ADAMTSL4: variants seen among roughly 807,000 people sequenced by gnomAD.
ADAMTSL4 encodes the protein ADAMTS-like protein 4.
A neutral mutation model predicts 122.8 loss-of-function variants in ADAMTSL4; 97 were observed. That is an observed-to-expected ratio of 0.79 (90% confidence interval 0.67 to 0.93). The LOEUF is 0.93. ADAMTSL4 is among the 40% of genes least tolerant of loss of function. The pLI, the probability that ADAMTSL4 is intolerant of heterozygous loss-of-function variation, is 0.00. For synonymous variants in ADAMTSL4, 592 were observed against 568.0 expected (o/e 1.04, Z -0.60); for missense variants, 1,408 against 1,453.5 (o/e 0.97, Z 0.51).
intron 8 of ADAMTSL4, chr1:150,555,876 C>A (rs1213729739): frequency 2.8e-5 from 17 of 603,446 alleles, no homozygotes; most frequent in Non-Finnish European, 5.1e-5. Context: ...CACATGCACA[C>A]ATGCACACAC....
chr1:150,554,181 G>A lies in ADAMTSL4; in HGVS notation c.1131+59G>A. The A allele has an allele frequency of 6.3e-7, 1 of 1,578,568 alleles. No homozygotes were observed. The highest frequency in any genetic ancestry group is 1.3e-5 in the African/African-American group (1 of 74,606). On this transcript the variant is annotated intron_variant, in intron 6 of 18. Coordinates refer to ENST00000271643, the MANE Select transcript of ADAMTSL4 (RefSeq NM_019032.6). This position sits in a 1 kb window ranked among gnomAD's most constrained non-coding sequence, Gnocchi z 4.0. ...ACCTCCAGTGTGGCTTCCCTGCCCTGAAGCTGGGTCTTCAGCTTCCGCTTG... is the reference window on the plus strand; with the variant it reads ...ACCTCCAGTGTGGCTTCCCTGCCCTAAAGCTGGGTCTTCAGCTTCCGCTTG...
At position 150,560,178 on chromosome 1, in the gene ADAMTSL4, TC is replaced by T. The variant is rs765311101; in HGVS notation, c.3211del (p.Gln1071ArgfsTer45). 6 of 1,614,030 alleles carry T rather than the reference TC, an allele frequency of 3.7e-6. No individual in the cohort carries two copies. In the Admixed American group the frequency reaches 1.0e-4, roughly 27 times the overall value. Reference sequence around the variant, plus strand: ...CTTGCGCACATGTCCTGGAGCGGTCTCCCCAGGATCCCTCCTGAAAGGGGTC... The same window carrying T: ...CTTGCGCACATGTCCTGGAGCGGTCTCCCAGGATCCCTCCTGAAAGGGGTC... ...RSCAHVLERS[P>X]QDPS On this transcript the variant is annotated frameshift_variant, in exon 19 of 19. Coordinates refer to ENST00000271643, the MANE Select transcript of ADAMTSL4 (RefSeq NM_019032.6). LOFTEE classifies it high-confidence loss of function.
At position 150,560,150 on chromosome 1, in the gene ADAMTSL4, G is replaced by A. The variant is rs147697821; in HGVS notation, c.3179G>A (p.Arg1060His). 7.4e-4 allele frequency: 1,189 copies of A among 1,614,024 alleles called. 5 individuals are homozygous for A. The highest frequency in any genetic ancestry group is 3.3e-3 in the South Asian group (299 of 91,082). The change falls in exon 19 of 19, where the codon CGC becomes CAC. Residue 1060 changes from arginine (R) to histidine (H), a missense_variant. Physicochemically the swap from Arg to His is conservative, Grantham distance 29. Coordinates refer to ENST00000271643, the MANE Select transcript of ADAMTSL4 (RefSeq NM_019032.6). The part of the protein sequence containing the change: ...VYPYYTATCC[R>H]SCAHVLERSP... ...CCCTACTACACAGCCACCTGTTGCC[G>A]CTCTTGCGCACATGTCCTGGAGCGG...
At chr1:150,551,292 G>GTACCCACTC (rs1332945118) in intron 2 of ADAMTSL4, 1 of 343,426 alleles carries the variant, frequency 2.9e-6, no homozygotes, top group Non-Finnish European at 5.8e-6. Flanking sequence ...GGCACCCAGA[G>GTACCCACTC]TGGGTGTTAC....
rs1672527399 is a variant in ADAMTSL4 at position 150,559,127 on chromosome 1, G to C, written c.2725G>C (p.Glu909Gln). ...GCGCGCCTGCAGCCTGGGGCCCTGT[G>C]AGAGAACTTGGCGCTGGTACACAGG... is the stretch of plus-strand genomic sequence containing the variant. The part of the protein sequence containing the change: ...DMRACSLGPC[E>Q]RTWRWYTGPW... Residue 909 changes from glutamate (E) to glutamine (Q), a missense_variant, in exon 16 of 19, where the codon GAG becomes CAG. Glu to Gln is a conservative substitution (Grantham distance 29, BLOSUM62 2). Coordinates refer to ENST00000271643, the MANE Select transcript of ADAMTSL4 (RefSeq NM_019032.6). This position sits in a 1 kb window ranked among gnomAD's most constrained non-coding sequence, Gnocchi z 4.1. 6.2e-7 allele frequency: 1 copy of C among 1,612,784 alleles called. No individual in the cohort carries two copies. The highest frequency in any genetic ancestry group is 1.3e-5 in the African/African-American group (1 of 74,924).
chr1:150,558,749 C>T (rs373944884), intron 15 of ADAMTSL4, 100 bp downstream of exon 15: 11 of 1,596,946 alleles, frequency 6.9e-6, no homozygotes, highest in South Asian at 1.1e-5. Context: ...ATTGATCAAG[C>T]GCCTGCTATA....
intron 15 of ADAMTSL4, 114 bp downstream of exon 15, chr1:150,558,763 C>G: frequency 6.3e-7 from 1 of 1,580,140 alleles, no homozygotes; most frequent in Non-Finnish European, 8.6e-7. Flanking sequence ...TGCTATATGC[C>G]TGACCCTGGG....
rs1380406885 is a variant in ADAMTSL4, at chr1:150,555,411, T to A, written c.1235-18T>A. ...CCACCAGGGAGCCCACTAACCACCC[T>A]TCTACCCTGTCCCTTAGTCCAGGGC... On this transcript the variant is annotated intron_variant, in intron 7 of 18. Transcript: ENST00000271643. 6.2e-7 allele frequency: 1 copy of A among 1,613,906 alleles called. No individual in the cohort carries two copies. The highest frequency in any genetic ancestry group is 1.1e-5 in the South Asian group (1 of 91,078).
chr1:150,557,899 T>G lies in ADAMTSL4; in HGVS notation c.2178-46T>G, dbSNP rs587609238. On this transcript the variant is annotated intron_variant, in intron 13 of 18. Coordinates refer to ENST00000271643, the MANE Select transcript of ADAMTSL4 (RefSeq NM_019032.6). ...TCTGCTGCCACGGCAGCCCCACACA[T>G]CTCATCTATGTCTCCGCCTCTTCCC... The G allele has an allele frequency of 1.9e-6, 3 of 1,580,248 alleles. No individual in the cohort carries two copies. In the East Asian group the frequency reaches 6.9e-5, roughly 36 times the overall value.
chr1:150,558,079 G>T lies in ADAMTSL4; in HGVS notation c.2312G>T (p.Arg771Leu), dbSNP rs187309656. The change falls in exon 14 of 19, where the codon CGG (arginine) becomes CTG (leucine). Residue 771 changes from arginine (R) to leucine (L), a missense_variant. By Grantham distance (102) the Arg-to-Leu change is moderately radical. Transcript: ENST00000271643. ...CCGGAGCGCTGTGGACATCTCCCCC[G>T]GCCCAACATCACCCAGTCTTGCCAG... ...VPPERCGHLP[R>L]PNITQSCQLR... The T allele has an allele frequency of 1.4e-5, 23 of 1,613,168 alleles. No individual in the cohort carries two copies. The South Asian group carries it at 2.4e-4, about 17-fold the overall frequency.
Position 150,554,855 on chromosome 1 carries a change from T to C in ADAMTSL4, c.1234+388T>C. On this transcript the variant is annotated intron_variant, in intron 7 of 18. Coordinates refer to ENST00000271643, the MANE Select transcript of ADAMTSL4 (RefSeq NM_019032.6). This position sits in a 1 kb window ranked among gnomAD's most constrained non-coding sequence, Gnocchi z 4.0. ...TCCCAGGTTACCATCCGCTTCATTT[T>C]AGGCCTGTGTTAACTTGACACCGGG... is the stretch of plus-strand genomic sequence containing the variant. The C allele has an allele frequency of 1.7e-6, 1 of 592,514 alleles. No homozygotes were observed. The highest frequency in any genetic ancestry group is 3.0e-6 in the Non-Finnish European group (1 of 334,454). 36.7% of individuals were successfully genotyped at this position (592,514 alleles called of 1,614,324 possible).
chr1:150,556,674 C>G lies in ADAMTSL4; in HGVS notation c.1630C>G (p.Pro544Ala). The change falls in exon 10 of 19, where the codon CCC becomes GCC. Residue 544 changes from proline (P) to alanine (A), a missense_variant. By Grantham distance (27) the Pro-to-Ala change is conservative. Coordinates refer to ENST00000271643, the MANE Select transcript of ADAMTSL4 (RefSeq NM_019032.6). The surrounding 1 kb of genome is among the most constrained non-coding windows in gnomAD (Gnocchi z 4.1). ...CATCAATGGGAACTGGGCTGTGGAT[C>G]CCCCTGGGTCCTACAGGGCCGGCGG... is the stretch of plus-strand genomic sequence containing the variant. ...SIINGNWAVD[P>A]PGSYRAGGTV... The G allele has an allele frequency of 6.2e-7, 1 of 1,614,038 alleles. No homozygotes were observed. The highest frequency in any genetic ancestry group is 1.1e-5 in the South Asian group (1 of 91,084).
Position 150,554,960 on chromosome 1 carries a change from G to A in ADAMTSL4, c.1235-469G>A, listed in dbSNP as rs587750311. 2.6e-5 allele frequency among the ~76,000 whole-genome samples: 4 copies of A among 151,178 alleles called. No homozygotes were observed. The South Asian group carries it at 6.3e-4, about 24-fold the overall frequency. ...TCTCTCAGTTCAGAGTCCCCTTGAT[G>A]GTCTCGGTGACCTCAACTGACCTGA... is the stretch of plus-strand genomic sequence containing the variant. On this transcript the variant is annotated intron_variant, in intron 7 of 18. Transcript: ENST00000271643. The surrounding 1 kb of genome is among the most constrained non-coding windows in gnomAD (Gnocchi z 4.0).
rs986240919 is a variant in ADAMTSL4 at position 150,554,720 on chromosome 1, G to C, written c.1234+253G>C. ...GGACTCCCCTGGGAAGGCCATCACT[G>C]GGGGTCAGGTGGCTGTGACACAAGA... On this transcript the variant is annotated intron_variant, in intron 7 of 18. Coordinates refer to ENST00000271643, the MANE Select transcript of ADAMTSL4 (RefSeq NM_019032.6). The surrounding 1 kb of genome is among the most constrained non-coding windows in gnomAD (Gnocchi z 4.0). The C allele has an allele frequency of 2.7e-6, 4 of 1,455,026 alleles. No homozygotes were observed. In the African/African-American group the frequency reaches 5.6e-5, roughly 20 times the overall value. The allele number at this position is 1,455,026 out of a possible 1,614,324, so 90.1% of individuals were successfully genotyped here.
At chr1:150,558,279 T>G in intron 14 of ADAMTSL4, 130 bp downstream of exon 14, 2 of 1,531,126 alleles carry the variant, frequency 1.3e-6, no homozygotes, top group Non-Finnish European at 1.8e-6. Flanking sequence ...ACCCCCAATA[T>G]AGAAGTCAGA....
chr1:150,557,828 G>T lies in ADAMTSL4; in HGVS notation c.2178-117G>T, dbSNP rs587596613. 1.1e-5 allele frequency: 15 copies of T among 1,411,000 alleles called. No homozygotes were observed. The South Asian group carries it at 1.8e-4, about 17-fold the overall frequency. 87.4% of individuals were successfully genotyped at this position (1,411,000 alleles called of 1,614,324 possible). Reference sequence around the variant, plus strand: ...GGAACCCAGACTCCAAACGCCAAACGTGCCCACTCTCCTCTGAGGCCCCCA... The same window carrying T: ...GGAACCCAGACTCCAAACGCCAAACTTGCCCACTCTCCTCTGAGGCCCCCA... On this transcript the variant is annotated intron_variant, in intron 13 of 18. Coordinates refer to ENST00000271643, the MANE Select transcript of ADAMTSL4 (RefSeq NM_019032.6).
Position 150,556,296 on chromosome 1 carries a change from G to T in ADAMTSL4, c.1506G>T (p.Lys502Asn), listed in dbSNP as rs974777490. Residue 502 changes from lysine to asparagine, a missense_variant, in exon 9 of 19, where the codon AAG (lysine) becomes AAT (asparagine). Transcript: ENST00000271643. This position sits in a 1 kb window ranked among gnomAD's most constrained non-coding sequence, Gnocchi z 4.1. ...GAGGGGGCCCCCTGGGCTATCAGAA[G>T]ATCTTGTGGATTCCAGCGGGAGCCT... The part of the protein sequence containing the change: ...TDRGGPLGYQ[K>N]ILWIPAGALR... The T allele has an allele frequency of 1.2e-6, 2 of 1,614,168 alleles. No homozygotes were observed. The highest frequency in any genetic ancestry group is 2.2e-5 in the East Asian group (1 of 44,884).
chr1:150,553,128 A>G lies in ADAMTSL4; in HGVS notation c.309A>G (p.Arg103=). ...EALLPRGQGP[R]PQTSPETLPL... is the part of the protein sequence containing the mutation. ...TCCTCCCCCGGGGCCAGGGTCCCAGACCCCAGACTTCTCCAGAAACCCTCC... is the reference window on the plus strand; with the variant it reads ...TCCTCCCCCGGGGCCAGGGTCCCAGGCCCCAGACTTCTCCAGAAACCCTCC... Residue 103 remains arginine (R), a synonymous_variant, in exon 5 of 19, where the codon AGA becomes AGG. Coordinates refer to ENST00000271643, the MANE Select transcript of ADAMTSL4 (RefSeq NM_019032.6). 2.5e-6 allele frequency: 4 copies of G among 1,612,546 alleles called. No individual in the cohort carries two copies. Among genetic ancestry groups the G allele is most frequent in the Non-Finnish European group, 2.5e-6 (3 of 1,179,554 alleles).
intron 2 of ADAMTSL4, chr1:150,550,513 A>C (rs997743332): frequency 8.1e-6 from 3 of 368,756 alleles, no homozygotes; most frequent in African/African-American, 6.4e-5. Flanking sequence ...GCGAGAAGAG[A>C]TCTCGGTGGC....
Sources: gnomAD v4.1 joint callset for allele counts (sites outside exome capture counted in the v4.1 genomes callset) on GRCh38, gnomAD v4.1.1 for gene constraint, Gnocchi (gnomAD v3.1) non-coding constraint, MANE v1.5 for transcripts, NCBI Gene and HGNC (gene_info 2026-07-23, HGNC 2026-07-21) for gene names.